UNC13C: variants seen among roughly 807,000 people sequenced by gnomAD.
UNC13C encodes protein unc-13 homolog C.
UNC13C carries 174 observed loss-of-function variants against 245.4 expected under a neutral mutation model. That is an observed-to-expected ratio of 0.71 (90% CI 0.63 to 0.80). UNC13C has a LOEUF of 0.80. UNC13C is among the 30% of genes least tolerant of loss of function. The pLI, the probability that UNC13C is intolerant of heterozygous loss-of-function variation, is 0.00. For missense variants in UNC13C, 2,829 were observed against 2,602.9 expected (o/e 1.09, Z -1.89); for synonymous variants, 992 against 895.1 (o/e 1.11, Z -1.93).
intron 2 of UNC13C, among the ~76,000 whole-genome samples, chr15:54,097,390 G>A (rs954765166): frequency 9.9e-5 from 15 of 152,082 alleles, no homozygotes; most frequent in Middle Eastern, 3.2e-3. Flanking sequence ...TCTCCCCAAT[G>A]TGTAAGAAAA....
intron 17 of UNC13C, among the ~76,000 whole-genome samples, chr15:54,368,853 A>G (rs1035276618): frequency 6.6e-6 from 1 of 152,152 alleles, no homozygotes; most frequent in Non-Finnish European, 1.5e-5. Flanking sequence ...GGAACAGAGT[A>G]GGCACTCATT....
chr15:54,272,681 A>G (rs985469497), intron 10 of UNC13C, among the ~76,000 whole-genome samples: 2 of 152,190 alleles, frequency 1.3e-5, no homozygotes, highest in Non-Finnish European at 2.9e-5. Context: ...GCAGGAAAAT[A>G]ATAATAACCA....
chr15:53,943,326 A>G, the UNC13C span, among the ~76,000 whole-genome samples: 1 of 152,144 alleles, frequency 6.6e-6, no homozygotes, highest in Non-Finnish European at 1.5e-5. Flanking sequence ...CACATAATAC[A>G]TTTTTCAATC....
intron 10 of UNC13C, among the ~76,000 whole-genome samples, chr15:54,288,588 A>T (rs11071066): frequency 2.6e-5 from 4 of 151,698 alleles, no homozygotes; most frequent in South Asian, 4.2e-4. Flanking sequence ...CATTGGCTAA[A>T]GTCCATCTCT....
At chr15:54,216,013 A>G (rs976895088) in intron 4 of UNC13C, among the ~76,000 whole-genome samples, 1 of 152,002 alleles carries the variant, frequency 6.6e-6, no homozygotes, top group Non-Finnish European at 1.5e-5. Context: ...CAGGCATAAC[A>G]CAATAAAATT....
chr15:54,380,134 C>T (rs73417756), intron 17 of UNC13C, among the ~76,000 whole-genome samples: 37,068 of 151,722 alleles, frequency 0.24, 5,147 homozygotes, highest in East Asian at 0.65. Flanking sequence ...TCTAAGCCCC[C>T]ACCCCCAACC....
At chr15:54,224,445 G>A (rs2035316109) in intron 4 of UNC13C, among the ~76,000 whole-genome samples, 1 of 152,056 alleles carries the variant, frequency 6.6e-6, no homozygotes, top group African/African-American at 2.4e-5. Context: ...ACTGATTTGG[G>A]TATGATGAAC....
In UNC13C at chr15:54,014,179, A is replaced by C; in HGVS notation, c.1276A>C (p.Thr426Pro). 2.5e-6 allele frequency: 4 copies of C among 1,613,920 alleles called. No homozygotes were observed. Among genetic ancestry groups the C allele is most frequent in the Non-Finnish European group, 3.4e-6 (4 of 1,179,852 alleles). Residue 426 changes from threonine to proline, a missense_variant, in exon 2 of 33, where the codon ACA (threonine) becomes CCA (proline). Transcript: ENST00000260323. ...AGAGAAAGGGATACCATCCTCCCAG[A>C]CATATGAGAGCATGGCTATAAAGTT... ...RKEKGIPSSQ[T>P]YESMAIKLST...
chr15:54,035,550 CCTT>C (rs1481069654), intron 2 of UNC13C, among the ~76,000 whole-genome samples: 2 of 152,084 alleles, frequency 1.3e-5, no homozygotes, highest in African/African-American at 2.4e-5. Flanking sequence ...ATTTCACTGG[CCTT>C]CTTCTACTCA....
intron 2 of UNC13C, among the ~76,000 whole-genome samples, chr15:54,128,719 C>A (rs534258364): frequency 3.3e-5 from 5 of 152,248 alleles, no homozygotes; most frequent in South Asian, 4.1e-4. Context: ...AGCCTGCCCC[C>A]ACGGACACCC....
At chr15:54,403,544 G>A (rs571136944) in intron 18 of UNC13C, among the ~76,000 whole-genome samples, 82 of 151,622 alleles carry the variant, frequency 5.4e-4, no homozygotes, top group Non-Finnish European at 1.1e-3. Context: ...GTGAGACCCC[G>A]TCTCTACAAA....
chr15:54,623,417 G>A (rs1900922161), intron 31 of UNC13C, among the ~76,000 whole-genome samples: 1 of 152,028 alleles, frequency 6.6e-6, no homozygotes, highest in Non-Finnish European at 1.5e-5. Context: ...AATATTGAAA[G>A]CATACAATCC....
In UNC13C at chr15:54,290,356, C is replaced by A. The variant is rs1054713696; in HGVS notation, c.3819-3539C>A. Among the ~76,000 whole-genome samples the A allele has an allele frequency of 2.6e-5, 4 of 151,826 alleles. No homozygotes were observed. The East Asian group carries it at 7.7e-4, about 29-fold the overall frequency. ...AGAGAAATGCTCTGTGCTATTGTTG[C>A]AACTCTTCTGTAAATCTAAAATTAT... On this transcript the variant is annotated intron_variant, in intron 10 of 32. Coordinates refer to ENST00000260323, the MANE Select transcript of UNC13C (RefSeq NM_001080534.3).
At chr15:53,883,848 C>G in the UNC13C span, among the ~76,000 whole-genome samples, 1 of 152,114 alleles carries the variant, frequency 6.6e-6, no homozygotes, top group Non-Finnish European at 1.5e-5. Context: ...CTTTGAAAGC[C>G]TCACTATTTC....
intron 7 of UNC13C, among the ~76,000 whole-genome samples, chr15:54,246,086 C>T (rs1011441276): frequency 6.6e-6 from 1 of 152,124 alleles, no homozygotes; most frequent in African/African-American, 2.4e-5. Flanking sequence ...TAGCCTGATT[C>T]CTTTAAATCT....
intron 30 of UNC13C, among the ~76,000 whole-genome samples, chr15:54,607,877 C>T (rs1306471626): frequency 6.6e-6 from 1 of 152,168 alleles, no homozygotes; most frequent in Non-Finnish European, 1.5e-5. Context: ...TCCCCCAACA[C>T]TGGGGATTAC....
At chr15:54,280,687 T>C (rs2036960082) in intron 10 of UNC13C, among the ~76,000 whole-genome samples, 1 of 87,840 alleles carries the variant, frequency 1.1e-5, no homozygotes, top group East Asian at 3.2e-4. Flanking sequence ...TATATACATA[T>C]ATAAACATAT....
chr15:54,521,294 C>T (rs1566885672), intron 24 of UNC13C, among the ~76,000 whole-genome samples: 2 of 152,030 alleles, frequency 1.3e-5, no homozygotes, highest in Non-Finnish European at 2.9e-5. Context: ...AGAAAATAAC[C>T]GATAACACTG....
At chr15:54,356,772 A>G (rs2039104983) in intron 17 of UNC13C, among the ~76,000 whole-genome samples, 1 of 152,176 alleles carries the variant, frequency 6.6e-6, no homozygotes, top group Non-Finnish European at 1.5e-5. Context: ...CAACATTCAG[A>G]CCGTAGTCAT....
Sources: gnomAD v4.1 joint callset for allele counts (sites outside exome capture counted in the v4.1 genomes callset) on GRCh38, gnomAD v4.1.1 for gene constraint, MANE v1.5 for transcripts, NCBI Gene and HGNC (gene_info 2026-07-23, HGNC 2026-07-21) for gene names.